DMD: variants seen among roughly 807,000 people sequenced by gnomAD.
DMD encodes the protein mutant dystrophin.
A neutral mutation model predicts 330.1 loss-of-function variants in DMD; 63 were observed. The observed-to-expected ratio is 0.19, with a 90% CI of 0.16 to 0.24. DMD has a LOEUF of 0.24. DMD is among the 10% of genes least tolerant of loss of function. The pLI, the probability that DMD is intolerant of heterozygous loss-of-function variation, is 1.00. For missense variants in DMD, 3,344 were observed against 2,684.1 expected (o/e 1.25, Z -5.43); for synonymous variants, 1,223 against 959.8 (o/e 1.27, Z -5.07).
chrX:33,277,957 G>A (rs1420819082), intron 1 of DMD, among the ~76,000 whole-genome samples: 1 of 110,062 alleles, frequency 9.1e-6, no homozygotes, highest in East Asian at 2.9e-4. Flanking sequence ...TTTTAAAAAT[G>A]GGCCAGGTGT....
chrX:32,205,901 G>A, intron 44 of DMD: 4 of 336,279 alleles, frequency 1.2e-5, no homozygotes, highest in East Asian at 1.2e-4. Context: ...CCTGATGGAC[G>A]ATGATGGACA....
intron 18 of DMD, among the ~76,000 whole-genome samples, chrX:32,514,524 G>A (rs1017393725): frequency 3.6e-5 from 4 of 111,730 alleles, no homozygotes; most frequent in Non-Finnish European, 7.5e-5. Flanking sequence ...GGCGGATCAC[G>A]AGGTCAGGAG....
At chrX:32,533,797 G>C (rs2047697144) in intron 17 of DMD, among the ~76,000 whole-genome samples, 1 of 112,029 alleles carries the variant, frequency 8.9e-6, no homozygotes, top group Non-Finnish European at 1.9e-5. Context: ...TGCATTGGAT[G>C]ATGACTTGGA....
intron 62 of DMD, among the ~76,000 whole-genome samples, chrX:31,311,339 C>T (rs780250722): frequency 1.8e-5 from 2 of 111,718 alleles, no homozygotes; most frequent in South Asian, 3.8e-4. Flanking sequence ...TCTAAATTGA[C>T]CACGCGCTAC....
chrX:32,931,368 G>A (rs768210730), intron 2 of DMD, among the ~76,000 whole-genome samples: 3 of 111,301 alleles, frequency 2.7e-5, no homozygotes, highest in South Asian at 7.4e-4. Context: ...CGATAGTTGC[G>A]TTATTTAGAT....
chrX:31,943,878 TGAGAGAGAGAGAGAGAGAGAGAGAGAGA>T (rs536982335), intron 45 of DMD, among the ~76,000 whole-genome samples: 152 of 74,490 alleles, frequency 2.0e-3, no homozygotes, highest in Middle Eastern at 0.011. Flanking sequence ...CCCCAGAGAG[TGAGAGAGAGAGAGAGAGAGAGAGAGAGA>T]GAGAGAGAGA....
At chrX:33,089,469 G>A (rs1185950934) in intron 1 of DMD, among the ~76,000 whole-genome samples, 2 of 110,756 alleles carry the variant, frequency 1.8e-5, no homozygotes, top group African/African-American at 6.6e-5. Context: ...TGAAGTGGGA[G>A]AATAACTTGA....
chrX:31,972,039 T>C (rs1405917971), intron 44 of DMD, among the ~76,000 whole-genome samples: 1 of 111,541 alleles, frequency 9.0e-6, no homozygotes, highest in African/African-American at 3.3e-5. Flanking sequence ...CTTTTCAAAA[T>C]ATAAAAGCCC....
intron 44 of DMD, among the ~76,000 whole-genome samples, chrX:32,041,664 T>A (rs970474826): frequency 2.7e-5 from 3 of 111,061 alleles, no homozygotes; most frequent in African/African-American, 9.8e-5. Flanking sequence ...TTGTCTGTCC[T>A]TGAGCATCAT....
In DMD at chrX:31,453,074, G is replaced by A. The variant is rs139417581; in HGVS notation, c.8938-8447C>T. ...TTCTCCAAAGAAGATATAGAAATGA[G>A]TATTCAGATTTATAGACAGGAAATA... is the stretch of plus-strand genomic sequence containing the variant. On this transcript the variant is annotated intron_variant, in intron 59 of 78. Transcript: ENST00000357033. 1.3e-3 allele frequency among the ~76,000 whole-genome samples: 150 copies of A among 112,145 alleles called. 1 individual carries two copies. The highest frequency in any genetic ancestry group is 4.6e-3 in the African/African-American group (141 of 30,891).
intron 29 of DMD, among the ~76,000 whole-genome samples, chrX:32,435,848 A>C (rs2098259150): frequency 9.0e-6 from 1 of 111,525 alleles, no homozygotes; most frequent in South Asian, 3.8e-4. Context: ...GGTACCCAAT[A>C]AGCAAATTGA....
At chrX:32,188,086 G>T (rs2096955753) in intron 44 of DMD, among the ~76,000 whole-genome samples, 1 of 110,797 alleles carries the variant, frequency 9.0e-6, no homozygotes, top group Non-Finnish European at 1.9e-5. Flanking sequence ...ATATTATGTA[G>T]ATGTGTGTAG....
At chrX:32,624,745 A>G (rs2149395979) in intron 11 of DMD, among the ~76,000 whole-genome samples, 1 of 112,009 alleles carries the variant, frequency 8.9e-6, no homozygotes, top group Admixed American at 9.5e-5. Flanking sequence ...AGTAAATGGC[A>G]TTCTAAGACG....
rs552519752 is a variant in DMD, at chrX:33,181,310, C to T, written c.31+29972G>A. Among the ~76,000 whole-genome samples the T allele has an allele frequency of 3.7e-4, 40 of 108,778 alleles. No individual in the cohort carries two copies. The South Asian group carries it at 0.017, about 45-fold the overall frequency. The allele number at this position is 108,778 out of a possible 115,157, so 94.5% of individuals were successfully genotyped here. A position where few individuals can be genotyped will look rare whatever the true frequency, so the allele number is the denominator to read the frequency against. Reference sequence around the variant, plus strand: ...AAATCTGGAAGTAAGTTCTATTAAACCTAGTATCTTGATAACCCCAGGCCA... The same window carrying T: ...AAATCTGGAAGTAAGTTCTATTAAATCTAGTATCTTGATAACCCCAGGCCA... On this transcript the variant is annotated intron_variant, in intron 1 of 78. Transcript: ENST00000357033.
chrX:32,225,498 T>C (rs1479339309), intron 43 of DMD, among the ~76,000 whole-genome samples: 3 of 111,540 alleles, frequency 2.7e-5, no homozygotes, highest in Non-Finnish European at 5.6e-5. Flanking sequence ...ATGTCAACAA[T>C]TCCTTATTTT....
At chrX:32,404,451 G>A (rs1156396037) in intron 30 of DMD, among the ~76,000 whole-genome samples, 1 of 110,979 alleles carries the variant, frequency 9.0e-6, no homozygotes, top group African/African-American at 3.3e-5. Flanking sequence ...TGTGGGACAC[G>A]AGGTTACAAA....
At position 31,844,433 on chromosome X, in the gene DMD, T is replaced by C. The variant is rs1302975691; in HGVS notation, c.7099-7614A>G. 4.5e-5 allele frequency among the ~76,000 whole-genome samples: 5 copies of C among 111,223 alleles called. No homozygotes were observed. In the Admixed American group the frequency reaches 4.8e-4, roughly 11 times the overall value. ...AAGTCCCATTCTCTTTGGGTAACTG[T>C]AGCCTTATAGTATAGTTTGAAGTTG... On this transcript the variant is annotated intron_variant, in intron 48 of 78. Transcript: ENST00000357033.
chrX:31,216,987 T>A (rs780869958), intron 64 of DMD, among the ~76,000 whole-genome samples: 1 of 111,664 alleles, frequency 9.0e-6, no homozygotes, highest in African/African-American at 3.2e-5. Context: ...TTTAGCCCTA[T>A]GGTTTGGGCT....
chrX:31,871,727 TA>T (rs1190805809), intron 48 of DMD, among the ~76,000 whole-genome samples: 6 of 108,848 alleles, frequency 5.5e-5, no homozygotes, highest in Non-Finnish European at 1.1e-4. Flanking sequence ...TACCTTGTGT[TA>T]AAAAAAAGGG....
Sources: gnomAD v4.1 joint callset for allele counts (sites outside exome capture counted in the v4.1 genomes callset) on GRCh38, gnomAD v4.1.1 for gene constraint, MANE v1.5 for transcripts, NCBI Gene and HGNC (gene_info 2026-07-23, HGNC 2026-07-21) for gene names.